Variants in NOP9 observed in about 807,000 individuals in gnomAD.
NOP9 encodes nucleolar protein 9.
A neutral mutation model predicts 63.0 loss-of-function variants in NOP9; 50 were observed. That is an observed-to-expected ratio of 0.79 (90% CI 0.63 to 1.00). The LOEUF is 1.00. Ranked by LOEUF, NOP9 falls within the 50% of genes least tolerant of loss-of-function variation. The pLI is 0.00. For missense variants in NOP9, 758 were observed against 803.0 expected (o/e 0.94, Z 0.68); for synonymous variants, 343 against 332.8 (o/e 1.03, Z -0.33).
chr14:24,307,967 A>G lies in NOP9; in HGVS notation c.*2872A>G. On this transcript the variant is annotated 3_prime_UTR_variant, in exon 10 of 10. Transcript: ENST00000267425. ...CAAACCTGGGATCTCAGCCCAGGAC[A>G]AGGTGGGAATGAGTCAAGCCTGGAC... The G allele has an allele frequency of 1.9e-6, 2 of 1,048,960 alleles. No homozygotes were observed. The highest frequency in any genetic ancestry group is 2.9e-6 in the Non-Finnish European group (2 of 692,236). 65.0% of individuals were successfully genotyped at this position (1,048,960 alleles called of 1,614,324 possible). A position where few individuals can be genotyped will look rare whatever the true frequency, so the allele number is the denominator to read the frequency against.
At chr14:24,299,167 A>T, upstream of NOP9, 1 of 1,563,870 alleles carries the variant, frequency 6.4e-7, no homozygotes, top group South Asian at 1.2e-5. Flanking sequence ...GGAAGCCTGG[A>T]GACTGTGTGT....
chr14:24,271,217 C>A, the NOP9 span: 2 of 1,384,292 alleles, frequency 1.4e-6, no homozygotes, highest in South Asian at 3.1e-5. Context: ...ACTAGCTCCG[C>A]CCACAGCTGT....
chr14:24,279,165 T>G, the NOP9 span, among the ~76,000 whole-genome samples: 1 of 152,162 alleles, frequency 6.6e-6, no homozygotes, highest in Non-Finnish European at 1.5e-5. Flanking sequence ...AACGTAGTAG[T>G]GGACATTCAG....
rs997589358 is a variant in NOP9 at position 24,307,113 on chromosome 14, C to T, written c.*2018C>T. The T allele has an allele frequency of 5.2e-6, 2 of 384,316 alleles. No individual in the cohort carries two copies. The highest frequency in any genetic ancestry group is 2.1e-5 in the African/African-American group (1 of 48,522). 23.8% of individuals were successfully genotyped at this position (384,316 alleles called of 1,614,324 possible). A position where few individuals can be genotyped will look rare whatever the true frequency, so the allele number is the denominator to read the frequency against. ...TGAACTTGATTTGTCACACAAATCA[C>T]CTTTCCATACTAGCTTCTGAATTCT... On this transcript the variant is annotated 3_prime_UTR_variant, in exon 10 of 10. Transcript: ENST00000267425.
In NOP9 at chr14:24,300,002, A is replaced by C; in HGVS notation, c.48A>C (p.Pro16=). The part of the protein sequence containing the change: ...RSPHKVGRRF[P]AGGKRGRGAK... The stretch of plus-strand genomic sequence containing the variant: ...CACACAAGGTGGGGCGCCGGTTCCC[A>C]GCTGGTGGCAAACGGGGGCGCGGGG... Residue 16 remains proline, a synonymous_variant, in exon 1 of 10, where the codon CCA becomes CCC. Coordinates refer to ENST00000267425, the MANE Select transcript of NOP9 (RefSeq NM_174913.3). The C allele has an allele frequency of 1.2e-6, 2 of 1,600,328 alleles. No homozygotes were observed. The highest frequency in any genetic ancestry group is 1.7e-6 in the Non-Finnish European group (2 of 1,172,756).
the NOP9 span, chr14:24,291,243 G>A: frequency 5.0e-6 from 8 of 1,612,282 alleles, no homozygotes; most frequent in African/African-American, 6.7e-5. Flanking sequence ...GACAGGTGGA[G>A]ATGGCAGGCA....
At chr14:24,289,277 C>T in the NOP9 span, among the ~76,000 whole-genome samples, 6 of 152,166 alleles carry the variant, frequency 3.9e-5, 1 homozygote, top group Admixed American at 6.5e-5. Flanking sequence ...CCACTGTGCC[C>T]GGCCCCAGCT....
chr14:24,292,148 CCT>C, the NOP9 span: 2 of 1,613,680 alleles, frequency 1.2e-6, no homozygotes, highest in Non-Finnish European at 1.7e-6. Context: ...GGCCGACTCC[CCT>C]GTTCTCTGCT....
At chr14:24,287,156 G>C in the NOP9 span, among the ~76,000 whole-genome samples, 1 of 152,196 alleles carries the variant, frequency 6.6e-6, no homozygotes, top group Non-Finnish European at 1.5e-5. Flanking sequence ...TCCCAAAAGT[G>C]CTGGGATTAC....
the NOP9 span, among the ~76,000 whole-genome samples, chr14:24,280,198 A>C: frequency 1.3e-5 from 2 of 152,200 alleles, no homozygotes; most frequent in Non-Finnish European, 2.9e-5. Flanking sequence ...TTTCTGGATG[A>C]TGGAAATAAT....
the NOP9 span, chr14:24,290,597 A>G: frequency 1.2e-5 from 5 of 430,210 alleles, no homozygotes; most frequent in Non-Finnish European, 2.1e-5. Flanking sequence ...TCAAAAACAC[A>G]TTGAAAGAGA....
chr14:24,300,545 C>T lies in NOP9; in HGVS notation c.385C>T (p.Leu129=), dbSNP rs2041352620. The change falls in exon 2 of 10, where the codon CTG becomes TTG. Residue 129 remains leucine, a synonymous_variant. Coordinates refer to ENST00000267425, the MANE Select transcript of NOP9 (RefSeq NM_174913.3). ...ACCGCTTTGTCGCGTGTGGGCTGCT[C>T]TGCGCTCTAACTTGCGCACTGTGGC... The part of the protein sequence containing the change: ...LKPLCRVWAA[L]RSNLRTVACH... 3.1e-6 allele frequency: 5 copies of T among 1,614,122 alleles called. No homozygotes were observed. In the East Asian group the frequency reaches 1.1e-4, roughly 36 times the overall value.
chr14:24,307,072 T>G lies in NOP9; in HGVS notation c.*1977T>G. On this transcript the variant is annotated 3_prime_UTR_variant, in exon 10 of 10. Transcript: ENST00000267425. ...TTCCCAAGGTTTGACAGGCAGGAAGTGGCAGAATCAGAATTTGAACTTGAT... is the reference window on the plus strand; with the variant it reads ...TTCCCAAGGTTTGACAGGCAGGAAGGGGCAGAATCAGAATTTGAACTTGAT... The G allele has an allele frequency of 3.2e-6, 1 of 312,520 alleles. No homozygotes were observed. The highest frequency in any genetic ancestry group is 6.0e-6 in the Non-Finnish European group (1 of 168,010). The allele number at this position is 312,520 out of a possible 1,614,324, so 19.4% of individuals were successfully genotyped here.
In NOP9 at chr14:24,307,469, AG is replaced by A. The variant is rs868123307; in HGVS notation, c.*2376del. Reference sequence around the variant, plus strand: ...AAAGGTCGCTGGGGTGGTGGAGCTGAGGTCCAGACCCTCCGTCCAAACTCCG... The same window carrying A: ...AAAGGTCGCTGGGGTGGTGGAGCTGAGTCCAGACCCTCCGTCCAAACTCCG... On this transcript the variant is annotated 3_prime_UTR_variant, in exon 10 of 10. Coordinates refer to ENST00000267425, the MANE Select transcript of NOP9 (RefSeq NM_174913.3). 5.6e-6 allele frequency: 9 copies of A among 1,613,982 alleles called. No individual in the cohort carries two copies. The highest frequency in any genetic ancestry group is 7.6e-6 in the Non-Finnish European group (9 of 1,179,998).
the NOP9 span, among the ~76,000 whole-genome samples, chr14:24,288,360 T>A: frequency 6.6e-6 from 1 of 152,200 alleles, no homozygotes; most frequent in Non-Finnish European, 1.5e-5. Context: ...GACAATTTTT[T>A]TTTTTTTGAG....
At chr14:24,296,942 T>C (rs1214504249), upstream of NOP9, 2 of 1,606,666 alleles carry the variant, frequency 1.2e-6, no homozygotes, top group East Asian at 4.5e-5. Flanking sequence ...ATGACAAAAC[T>C]CCCCAACCAA....
At position 24,304,930 on chromosome 14, in the gene NOP9, C is replaced by A; in HGVS notation, c.1754-8C>A. On this transcript the variant is annotated splice_polypyrimidine_tract_variant and splice_region_variant and intron_variant, in intron 9 of 9. Transcript: ENST00000267425. ...GGTAGTACTAAACATGAGTGGTTCC[C>A]TTTGCAGGGGAGCAGAACCAGGAGC... 1 of 1,518,574 alleles carries A rather than the reference C, an allele frequency of 6.6e-7. No individual in the cohort carries two copies. The highest frequency in any genetic ancestry group is 1.3e-5 in the South Asian group (1 of 76,004). 94.1% of individuals were successfully genotyped at this position (1,518,574 alleles called of 1,614,324 possible). A position where few individuals can be genotyped will look rare whatever the true frequency, so the allele number is the denominator to read the frequency against.
the NOP9 span, among the ~76,000 whole-genome samples, chr14:24,288,354 AT>A: frequency 1.7e-3 from 248 of 146,924 alleles, no homozygotes; most frequent in African/African-American, 3.9e-3. Flanking sequence ...GGAATTGACA[AT>A]TTTTTTTTTT....
Position 24,305,611 on chromosome 14 carries a change from G to C in NOP9, c.*516G>C, listed in dbSNP as rs1003920918. ...GCAGTGGGTCGGTTGGAATGATTCT[G>C]GGGGCAGAAGCTCAGAGCCCCTTAG... On this transcript the variant is annotated 3_prime_UTR_variant, in exon 10 of 10. Transcript: ENST00000267425. 2 of 1,603,816 alleles carry C rather than the reference G, an allele frequency of 1.2e-6. No homozygotes were observed. Among genetic ancestry groups the C allele is most frequent in the Non-Finnish European group, 8.5e-7 (1 of 1,175,588 alleles).
Sources: gnomAD v4.1 joint callset for allele counts (sites outside exome capture counted in the v4.1 genomes callset) on GRCh38, gnomAD v4.1.1 for gene constraint, MANE v1.5 for transcripts, NCBI Gene and HGNC (gene_info 2026-07-23, HGNC 2026-07-21) for gene names.